ZMYND10: variants seen among roughly 807,000 people sequenced by gnomAD.
ZMYND10 encodes the protein zinc finger MYND domain-containing protein 10.
In ZMYND10, 52 loss-of-function variants were observed where a neutral mutation model predicts 62.6. The observed-to-expected ratio is 0.83, with a 90% confidence interval of 0.67 to 1.05. The LOEUF (loss-of-function observed/expected upper bound fraction) is 1.05. Among genes scored for constraint, ZMYND10 ranks in the 50% least tolerant of loss-of-function variants. The probability of loss-of-function intolerance (pLI) is 0.00; values close to 1 mark genes in which losing one functional copy is unlikely to be tolerated. For synonymous variants in ZMYND10, 197 were observed against 218.5 expected, an observed-to-expected ratio of 0.90 and a Z score of 0.87; for missense variants, 438 against 543.3, an observed-to-expected ratio of 0.81 and a Z score of 1.93.
At position 50,345,379 on chromosome 3, in the gene ZMYND10, C is replaced by T; in HGVS notation, c.92+109G>A. 1 of 1,510,530 alleles carries T rather than the reference C, an allele frequency of 6.6e-7. No individual in the cohort carries two copies. Among genetic ancestry groups the T allele is most frequent in the Non-Finnish European group, 8.9e-7 (1 of 1,117,704 alleles). 93.6% of individuals were successfully genotyped at this position (1,510,530 alleles called of 1,614,324 possible). A position where few individuals can be genotyped will look rare whatever the true frequency, so the allele number is the denominator to read the frequency against. ...ACTCCTGTCTCGGAACGCTCTGCTC[C>T]CCCATTTGGGAGCCCCTCCACACTG... On this transcript the variant is annotated intron_variant, in intron 1 of 11. Transcript: ENST00000231749. This position sits in a 1 kb window ranked among gnomAD's most constrained non-coding sequence, Gnocchi z 5.0.
chr3:50,341,749 C>T (rs760438626), intron 10 of ZMYND10, 50 bp from the exon 11 acceptor site: 5 of 1,611,986 alleles, frequency 3.1e-6, no homozygotes, highest in Non-Finnish European at 3.4e-6. Context: ...TGGGGGCACC[C>T]CACCCACATC....
intron 7 of ZMYND10, 152 bp from the exon 8 acceptor site, chr3:50,342,721 G>A (rs1575554325): frequency 2.0e-6 from 3 of 1,467,762 alleles, no homozygotes; most frequent in Non-Finnish European, 2.7e-6. Context: ...CCCAGAGCAG[G>A]GTGAGCCTCA....
At position 50,343,247 on chromosome 3, in the gene ZMYND10, T is replaced by G. The variant is rs760091885; in HGVS notation, c.511-41A>C. The G allele has an allele frequency of 3.1e-6, 5 of 1,613,966 alleles. No homozygotes were observed. In the East Asian group the frequency reaches 1.1e-4, roughly 36 times the overall value. On this transcript the variant is annotated intron_variant, in intron 5 of 11. Coordinates refer to ENST00000231749, the MANE Select transcript of ZMYND10 (RefSeq NM_015896.4). ...GTGTTCACGCTGGGCCACCCTCACC[T>G]GCGCAGGCCTTGGGGAACCCAGACC... is the stretch of plus-strand genomic sequence containing the variant.
chr3:50,342,326 AG>A, intron 8 of ZMYND10, 70 bp downstream of exon 8: 1 of 1,554,956 alleles, frequency 6.4e-7, no homozygotes, highest in Non-Finnish European at 8.7e-7. Flanking sequence ...GATAAACAGC[AG>A]GGACGCAGTC....
chr3:50,342,257 G>A, intron 8 of ZMYND10, 117 bp from the exon 9 acceptor site: 1 of 1,576,946 alleles, frequency 6.3e-7, no homozygotes, highest in South Asian at 1.2e-5. Context: ...CCACTAGCTG[G>A]TGTGTCACCT....
Position 50,343,390 on chromosome 3 carries a change from G to A in ZMYND10, c.427C>T (p.Arg143Cys), listed in dbSNP as rs375751195. The A allele has an allele frequency of 4.3e-6, 7 of 1,613,634 alleles. No individual in the cohort carries two copies. The highest frequency in any genetic ancestry group is 1.3e-5 in the African/African-American group (1 of 74,928). ...TVLDLVDYCH[R>C]KLTLLVAQSG... ...TGGGCCACCAGCAGGGTCAGTTTGC[G>A]GTGGCAATAGTCTACCAAGTCCAAG... The change falls in exon 5 of 12, where the codon CGC becomes TGC. Residue 143 changes from arginine (R) to cysteine (C), a missense_variant. Arg to Cys is a radical substitution (Grantham distance 180, BLOSUM62 -3). Transcript: ENST00000231749.
chr3:50,343,494 A>G (rs781272938), intron 4 of ZMYND10, 50 bp from the exon 5 acceptor site: 1 of 1,614,044 alleles, frequency 6.2e-7, no homozygotes, highest in Non-Finnish European at 8.5e-7. Flanking sequence ...TTCCCCACAC[A>G]GACACAATCT....
chr3:50,342,710 C>T (rs1198302253), intron 7 of ZMYND10, 141 bp from the exon 8 acceptor site: 1 of 1,470,504 alleles, frequency 6.8e-7, no homozygotes, highest in African/African-American at 1.4e-5. Context: ...GGGCTGCTGA[C>T]CCCAGAGCAG....
At chr3:50,342,218 G>T in intron 8 of ZMYND10, 78 bp from the exon 9 acceptor site, 1 of 1,586,214 alleles carries the variant, frequency 6.3e-7, no homozygotes, top group Non-Finnish European at 8.6e-7. Flanking sequence ...GGCTGGGTTG[G>T]GCTGAGAATG....
Position 50,341,555 on chromosome 3 carries a change from G to C in ZMYND10, c.1247+19C>G. 1 of 1,614,218 alleles carries C rather than the reference G, an allele frequency of 6.2e-7. No individual in the cohort carries two copies. Among genetic ancestry groups the C allele is most frequent in the South Asian group, 1.1e-5 (1 of 91,076 alleles). Reference sequence around the variant, plus strand: ...GTGGGAGTAGGGCTTAGAGGTCCAAGGTTCTAGGATACCCTCACCTGCAGC... The same window carrying C: ...GTGGGAGTAGGGCTTAGAGGTCCAACGTTCTAGGATACCCTCACCTGCAGC... On this transcript the variant is annotated intron_variant, in intron 11 of 11. Transcript: ENST00000231749.
chr3:50,343,876 G>A, intron 2 of ZMYND10, 26 bp from the exon 3 acceptor site: 1 of 1,606,236 alleles, frequency 6.2e-7, no homozygotes, highest in South Asian at 1.1e-5. Flanking sequence ...TAAAGGACAG[G>A]GATGAGATGG....
intron 8 of ZMYND10, 116 bp downstream of exon 8, chr3:50,342,281 T>A: frequency 6.4e-7 from 1 of 1,570,480 alleles, no homozygotes; most frequent in Non-Finnish European, 8.6e-7. Context: ...GCCCAAGGAC[T>A]GAAAAGAGCA....
chr3:50,344,037 A>T, intron 2 of ZMYND10, 187 bp from the exon 3 acceptor site: 1 of 598,964 alleles, frequency 1.7e-6, no homozygotes, highest in Middle Eastern at 4.2e-4. Context: ...GCTGCTCCCA[A>T]CACCTCTGTG....
chr3:50,341,158 T>A lies in ZMYND10; in HGVS notation c.*252A>T. 1 of 612,570 alleles carries A rather than the reference T, an allele frequency of 1.6e-6. No homozygotes were observed. The highest frequency in any genetic ancestry group is 2.0e-5 in the South Asian group (1 of 50,562). 37.9% of individuals were successfully genotyped at this position (612,570 alleles called of 1,614,324 possible). A position where few individuals can be genotyped will look rare whatever the true frequency, so the allele number is the denominator to read the frequency against. ...GTGCTAGAGGAAGAGGGTCCCCACA[T>A]CCGGCCCTGGCCCTCCTGGTCCGGT... is the stretch of plus-strand genomic sequence containing the variant. On this transcript the variant is annotated 3_prime_UTR_variant, in exon 12 of 12. Coordinates refer to ENST00000231749, the MANE Select transcript of ZMYND10 (RefSeq NM_015896.4).
chr3:50,341,826 G>A lies in ZMYND10; in HGVS notation c.1105C>T (p.Arg369Trp), dbSNP rs142613783. 10,273 of 1,613,930 alleles carry A rather than the reference G, an allele frequency of 6.4e-3. 56 individuals are homozygous for A. Among genetic ancestry groups the A allele is most frequent in the Non-Finnish European group, 7.5e-3 (8,807 of 1,179,948 alleles). The change falls in exon 10 of 12, where the codon CGG (arginine) becomes TGG (tryptophan). Residue 369 changes from arginine to tryptophan, a missense_variant. Coordinates refer to ENST00000231749, the MANE Select transcript of ZMYND10 (RefSeq NM_015896.4). The part of the protein sequence containing the change: ...HVFSPSEQDL[R>W]LQARRWAETY... ...AGGCCTTACCTTCGCGCCTGCAGCC[G>A]CAGGTCCTGCTCTGAGGGGCTGAAC...
rs1703391254 is a variant in ZMYND10 at position 50,341,874 on chromosome 3, C to A, written c.1057G>T (p.Ala353Ser). The change falls in exon 10 of 12, where the codon GCC becomes TCC. Residue 353 changes from alanine to serine, a missense_variant. Ala to Ser is a moderately conservative substitution (Grantham distance 99). Transcript: ENST00000231749. ...AACACATGCTGGAGCTGGTGCTTGG[C>A]AATTGCCTGCCACTTGCCTCTGTTT... ...RENRGKWQAI[A>S]KHQLQHVFSP... 1 of 1,614,036 alleles carries A rather than the reference C, an allele frequency of 6.2e-7. No individual in the cohort carries two copies. Among genetic ancestry groups the A allele is most frequent in the Non-Finnish European group, 8.5e-7 (1 of 1,180,044 alleles).
In ZMYND10 at chr3:50,345,005, G is replaced by C; in HGVS notation, c.201+119C>G. The stretch of plus-strand genomic sequence containing the variant: ...TGAAACATGTAACACATTCCTCTTT[G>C]TCCTTCAGGGAGAACAGGTGTACCA... On this transcript the variant is annotated intron_variant, in intron 2 of 11. Transcript: ENST00000231749. The surrounding 1 kb of genome is among the most constrained non-coding windows in gnomAD (Gnocchi z 5.0). 2 of 780,412 alleles carry C rather than the reference G, an allele frequency of 2.6e-6. No homozygotes were observed. The highest frequency in any genetic ancestry group is 4.2e-6 in the Non-Finnish European group (2 of 474,062). The allele number at this position is 780,412 out of a possible 1,614,324, so 48.3% of individuals were successfully genotyped here.
Position 50,342,965 on chromosome 3 carries a change from A to G in ZMYND10, c.653T>C (p.Leu218Pro). 1 of 1,614,104 alleles carries G rather than the reference A, an allele frequency of 6.2e-7. No individual in the cohort carries two copies. Among genetic ancestry groups the G allele is most frequent in the Non-Finnish European group, 8.5e-7 (1 of 1,179,984 alleles). ...RMLSTHNLPCLLVELLEHSPW... is the reference protein window; with the variant it reads ...RMLSTHNLPCPLVELLEHSPW... ...ACTATGCTCCAGCAGTTCCACCAGG[A>G]GGCAGGGCAGGTTGTGTGTGCTAAG... is the stretch of plus-strand genomic sequence containing the variant. The change falls in exon 7 of 12, where the codon CTC becomes CCC. Residue 218 changes from leucine to proline, a missense_variant. Transcript: ENST00000231749.
At position 50,343,783 on chromosome 3, in the gene ZMYND10, C is replaced by G. The variant is rs1382402169; in HGVS notation, c.269G>C (p.Cys90Ser). Residue 90 changes from cysteine (C) to serine (S), a missense_variant, in exon 3 of 12, where the codon TGC becomes TCC. Physicochemically the swap from Cys to Ser is moderately radical, Grantham distance 112. Transcript: ENST00000231749. ...CTGGGGCTTGAAGTCCTCCACCCTG[C>G]AGAACACAGGGAACACCTTCTGCTT... Reference protein sequence around the residue: ...MWKQKVFPVFCRVEDFKPQNT... With the variant: ...MWKQKVFPVFSRVEDFKPQNT... 1.9e-6 allele frequency: 3 copies of G among 1,614,180 alleles called. No homozygotes were observed. Among genetic ancestry groups the G allele is most frequent in the Non-Finnish European group, 2.5e-6 (3 of 1,180,044 alleles).
Sources: allele counts gnomAD v4.1 joint callset, GRCh38; gene constraint gnomAD v4.1.1; non-coding constraint Gnocchi (gnomAD v3.1); transcripts MANE v1.5; gene names NCBI Gene and HGNC (gene_info 2026-07-23, HGNC 2026-07-21).